The following LPP variants were observed in gnomAD, a reference collection of about 807,000 sequenced individuals.
LPP encodes LIM domain containing preferred translocation partner in lipoma.
LPP carries 38 observed loss-of-function variants against 60.4 expected under a neutral mutation model. The observed-to-expected ratio is 0.63, with a 90% CI of 0.49 to 0.83. LPP has a LOEUF of 0.83. Among genes scored for constraint, LPP ranks in the 40% least tolerant of loss-of-function variants. LPP has a pLI of 0.00. For synonymous variants in LPP, 328 were observed against 290.8 expected, an observed-to-expected ratio of 1.13 and a Z score of -1.30; for missense variants, 902 against 783.6, an observed-to-expected ratio of 1.15 and a Z score of -1.80.
At chr3:188,760,346 A>C (rs942662220) in intron 9 of LPP, 64 bp downstream of exon 9, 2 of 1,545,918 alleles carry the variant, frequency 1.3e-6, no homozygotes, top group East Asian at 2.3e-5. Flanking sequence ...AATGCCAGTC[A>C]CTCTAGATAG....
rs1783464324 is a variant in LPP at position 188,406,252 on chromosome 3, G to A, written c.132G>A (p.Lys44=). The change falls in exon 4 of 12, where the codon AAG becomes AAA. Residue 44 remains lysine, a synonymous_variant. Transcript: ENST00000617246. ...ISVSTQQPPK[K]FAPVVAPKPK... is the part of the protein sequence containing the mutation. Reference sequence around the variant, plus strand: ...TGTCTACACAACAGCCACCCAAAAAGTTTGCCCCGGTAGTTGCTCCAAAAC... The same window carrying A: ...TGTCTACACAACAGCCACCCAAAAAATTTGCCCCGGTAGTTGCTCCAAAAC... The A allele has an allele frequency of 1.2e-6, 2 of 1,614,138 alleles. No homozygotes were observed. Among genetic ancestry groups the A allele is most frequent in the Non-Finnish European group, 1.7e-6 (2 of 1,180,000 alleles).
intron 7 of LPP, among the ~76,000 whole-genome samples, chr3:188,634,604 T>C (rs1303172656): frequency 6.6e-6 from 1 of 152,194 alleles, no homozygotes; most frequent in East Asian, 1.9e-4. Context: ...TCCTGTCAGA[T>C]TGCAGCGGTA....
At chr3:188,617,311 C>G (rs1845038926) in intron 7 of LPP, among the ~76,000 whole-genome samples, 1 of 152,108 alleles carries the variant, frequency 6.6e-6, no homozygotes. Flanking sequence ...TAGTAAATGA[C>G]CTCATGTGAA....
chr3:188,556,591 T>G (rs901325208), intron 6 of LPP, among the ~76,000 whole-genome samples: 23 of 151,998 alleles, frequency 1.5e-4, no homozygotes, highest in Admixed American at 6.6e-5. Context: ...GTTGCACTAT[T>G]TTCTGCCTTT....
intron 5 of LPP, among the ~76,000 whole-genome samples, chr3:188,498,515 A>G (rs1810904305): frequency 6.6e-6 from 1 of 152,166 alleles, no homozygotes; most frequent in South Asian, 2.1e-4. Flanking sequence ...GTTGTAGCAT[A>G]TGTCATGCTA....
chr3:188,763,484 T>G (rs1560173005), intron 9 of LPP, among the ~76,000 whole-genome samples: 1 of 152,180 alleles, frequency 6.6e-6, no homozygotes, highest in African/African-American at 2.4e-5. Context: ...TTTGGTTCAA[T>G]GATTTTTAAT....
intron 9 of LPP, among the ~76,000 whole-genome samples, chr3:188,783,545 G>C (rs1740520899): frequency 1.7e-5 from 2 of 117,658 alleles, no homozygotes; most frequent in Admixed American, 1.9e-4. Flanking sequence ...CAAGCACTGG[G>C]ATCTACTTGA....
chr3:188,717,848 A>T (rs950747070), intron 8 of LPP, among the ~76,000 whole-genome samples: 9 of 150,802 alleles, frequency 6.0e-5, no homozygotes, highest in African/African-American at 2.0e-4. Flanking sequence ...TCAGAGTTTC[A>T]CTCTTATTGA....
chr3:188,764,247 G>A (rs754407681), intron 9 of LPP, among the ~76,000 whole-genome samples: 10 of 152,112 alleles, frequency 6.6e-5, no homozygotes, highest in Non-Finnish European at 1.3e-4. Flanking sequence ...GTGACCTTGG[G>A]TAAATCATTT....
At chr3:188,867,540 C>T (rs996056770) in intron 10 of LPP, among the ~76,000 whole-genome samples, 5 of 151,948 alleles carry the variant, frequency 3.3e-5, no homozygotes, top group African/African-American at 4.8e-5. Flanking sequence ...GATGGGGTTT[C>T]GCCATGTTGG....
chr3:188,598,840 C>A (rs142376490), intron 6 of LPP, among the ~76,000 whole-genome samples: 97 of 152,182 alleles, frequency 6.4e-4, no homozygotes, highest in African/African-American at 2.3e-3. Flanking sequence ...TCAGTGCTAC[C>A]AGTCATATAA....
chr3:188,517,102 A>G (rs901329402), intron 5 of LPP, among the ~76,000 whole-genome samples: 12 of 152,200 alleles, frequency 7.9e-5, no homozygotes, highest in African/African-American at 2.7e-4. Context: ...CATTTATTGA[A>G]TGCTTATTAT....
At chr3:188,782,792 C>A (rs1740259365) in intron 9 of LPP, among the ~76,000 whole-genome samples, 1 of 151,782 alleles carries the variant, frequency 6.6e-6, no homozygotes, top group Middle Eastern at 3.2e-3. Flanking sequence ...TAAGTTGTGA[C>A]CAGCCTTGAC....
intron 1 of LPP, among the ~76,000 whole-genome samples, chr3:188,157,060 T>C (rs924162817): frequency 1.5e-4 from 23 of 152,226 alleles, no homozygotes; most frequent in Admixed American, 5.2e-4. Flanking sequence ...CTTATTACAA[T>C]GTACCATAGT....
intron 9 of LPP, among the ~76,000 whole-genome samples, chr3:188,789,561 C>T (rs968142272): frequency 6.6e-6 from 1 of 152,188 alleles, no homozygotes; most frequent in African/African-American, 2.4e-5. Context: ...TCCTAACATA[C>T]AAGAATTATG....
intron 2 of LPP, among the ~76,000 whole-genome samples, chr3:188,304,124 A>ATAAATG (rs1246452330): frequency 6.6e-6 from 1 of 152,194 alleles, no homozygotes; most frequent in Non-Finnish European, 1.5e-5. Context: ...ATAAATTATA[A>ATAAATG]TAAATGTATC....
intron 9 of LPP, among the ~76,000 whole-genome samples, chr3:188,843,312 T>G (rs552747500): frequency 6.6e-6 from 1 of 152,126 alleles, no homozygotes; most frequent in Non-Finnish European, 1.5e-5. Context: ...ACTAGCGTCA[T>G]GTGAAGTGGG....
chr3:188,575,075 GA>G (rs1834320654), intron 6 of LPP, among the ~76,000 whole-genome samples: 1 of 152,024 alleles, frequency 6.6e-6, no homozygotes, highest in African/African-American at 2.4e-5. Flanking sequence ...TTTGCGGCCT[GA>G]AAAGCTGTGG....
At chr3:188,464,484 A>C (rs974188303) in intron 4 of LPP, among the ~76,000 whole-genome samples, 1 of 152,218 alleles carries the variant, frequency 6.6e-6, no homozygotes, top group African/African-American at 2.4e-5. Context: ...TGCAGTGTCC[A>C]TCTAGATGAT....
Sources: gnomAD v4.1 joint callset for allele counts (sites outside exome capture counted in the v4.1 genomes callset) on GRCh38, gnomAD v4.1.1 for gene constraint, MANE v1.5 for transcripts, NCBI Gene and HGNC (gene_info 2026-07-23, HGNC 2026-07-21) for gene names.